CYRIA: variants seen among roughly 807,000 people sequenced by gnomAD.
CYRIA encodes the protein CYFIP-related Rac1 interactor A.
Under a neutral mutation model 43.9 loss-of-function variants are expected in CYRIA, and 15 were observed. The ratio of observed to expected loss-of-function variants is 0.34; its 90% confidence interval spans 0.23 to 0.53. The LOEUF (loss-of-function observed/expected upper bound fraction) is 0.53, where lower values mean the gene tolerates loss of function less well. Ranked by LOEUF, CYRIA falls within the 20% of genes least tolerant of loss-of-function variation. CYRIA has a pLI of 0.94. For synonymous variants in CYRIA, 117 were observed against 136.0 expected (o/e 0.86, Z 0.97); for missense variants, 236 against 394.2 (o/e 0.60, Z 3.40).
chr2:16,561,792 T>C (rs754845625), intron 6 of CYRIA, among the ~76,000 whole-genome samples: 6 of 152,206 alleles, frequency 3.9e-5, no homozygotes, highest in Admixed American at 6.5e-5. Flanking sequence ...TGATTTCATT[T>C]GGCAGATTTA....
At chr2:16,644,809 A>T (rs1320538527) in intron 1 of CYRIA, among the ~76,000 whole-genome samples, 1 of 152,154 alleles carries the variant, frequency 6.6e-6, no homozygotes, top group East Asian at 1.9e-4. Context: ...ATTATTGCTA[A>T]GGGAAATAAG....
chr2:16,565,804 G>T, intron 3 of CYRIA, 37 bp from the exon 4 acceptor site: 1 of 1,505,182 alleles, frequency 6.6e-7, no homozygotes. Flanking sequence ...GAGTGCTGGT[G>T]TTTACAAATA....
At chr2:16,553,757 T>A (rs1323571866) in intron 11 of CYRIA, among the ~76,000 whole-genome samples, 1 of 152,104 alleles carries the variant, frequency 6.6e-6, no homozygotes, top group African/African-American at 2.4e-5. Context: ...TCCTCTGACA[T>A]CATCACAGTG....
At chr2:16,574,334 G>A (rs377645553) in intron 3 of CYRIA, among the ~76,000 whole-genome samples, 2 of 152,210 alleles carry the variant, frequency 1.3e-5, no homozygotes, top group African/African-American at 4.8e-5. Context: ...ATGGAAAACA[G>A]AGCATAAAAG....
intron 1 of CYRIA, among the ~76,000 whole-genome samples, chr2:16,662,406 G>C (rs1670281227): frequency 6.6e-6 from 1 of 152,234 alleles, no homozygotes; most frequent in Non-Finnish European, 1.5e-5. Flanking sequence ...TATAATTACT[G>C]CAATTTCTCA....
chr2:16,582,477 CA>C (rs1241782929), intron 3 of CYRIA, among the ~76,000 whole-genome samples: 3 of 152,086 alleles, frequency 2.0e-5, no homozygotes, highest in Admixed American at 6.6e-5. Context: ...ATTAACACCC[CA>C]AAAAGACGTT....
At chr2:16,663,796 G>A (rs1670323352) in intron 1 of CYRIA, among the ~76,000 whole-genome samples, 1 of 152,082 alleles carries the variant, frequency 6.6e-6, no homozygotes, top group African/African-American at 2.4e-5. Context: ...AGTCCAGCAG[G>A]GACAGGAAAA....
intron 1 of CYRIA, among the ~76,000 whole-genome samples, chr2:16,648,706 G>A (rs941252544): frequency 2.0e-5 from 3 of 152,160 alleles, no homozygotes; most frequent in Non-Finnish European, 2.9e-5. Flanking sequence ...GAGCAGCTGT[G>A]ATCTCATGAA....
intron 2 of CYRIA, among the ~76,000 whole-genome samples, chr2:16,613,793 G>C (rs1431142435): frequency 1.3e-5 from 2 of 152,210 alleles, no homozygotes; most frequent in Non-Finnish European, 2.9e-5. Flanking sequence ...TTTGTAAAAA[G>C]TGTTTAAACT....
At chr2:16,628,768 T>G (rs1669237782) in intron 1 of CYRIA, among the ~76,000 whole-genome samples, 1 of 152,200 alleles carries the variant, frequency 6.6e-6, no homozygotes, top group Non-Finnish European at 1.5e-5. Flanking sequence ...TAGAGGACCC[T>G]TCTGGGCAAT....
intron 2 of CYRIA, among the ~76,000 whole-genome samples, chr2:16,602,137 C>A (rs1178445940): frequency 6.6e-6 from 1 of 152,186 alleles, no homozygotes; most frequent in East Asian, 1.9e-4. Context: ...AGCAGCCCTA[C>A]CAGGGTTTAT....
chr2:16,645,281 A>T (rs547042387), intron 1 of CYRIA, among the ~76,000 whole-genome samples: 68 of 152,334 alleles, frequency 4.5e-4, no homozygotes, highest in Non-Finnish European at 9.3e-4. Flanking sequence ...TAAGATAAGC[A>T]GGCAACGATC....
At chr2:16,625,292 C>G (rs1669126888) in intron 1 of CYRIA, among the ~76,000 whole-genome samples, 1 of 151,492 alleles carries the variant, frequency 6.6e-6, no homozygotes, top group Non-Finnish European at 1.5e-5. Flanking sequence ...AGCAAGAGGG[C>G]ACCTCAGGAA....
intron 3 of CYRIA, among the ~76,000 whole-genome samples, chr2:16,579,079 T>A (rs1667454742): frequency 6.6e-6 from 1 of 152,072 alleles, no homozygotes; most frequent in African/African-American, 2.4e-5. Flanking sequence ...TCAGAAACAA[T>A]GAAAGCCAGA....
At chr2:16,575,075 G>A (rs1200965507) in intron 3 of CYRIA, among the ~76,000 whole-genome samples, 1 of 152,178 alleles carries the variant, frequency 6.6e-6, no homozygotes, top group East Asian at 1.9e-4. Flanking sequence ...CCAAGGCCTT[G>A]GGAGCCCACC....
At position 16,549,982 on chromosome 2, in the gene CYRIA, C is replaced by A. The variant is rs1666236036; in HGVS notation, c.*2954G>T. 7.5e-6 allele frequency: 1 copy of A among 133,066 alleles called. No individual in the cohort carries two copies. Among genetic ancestry groups the A allele is most frequent in the Non-Finnish European group, 1.6e-5 (1 of 63,932 alleles). 8.2% of individuals were successfully genotyped at this position (133,066 alleles called of 1,614,324 possible). A position where few individuals can be genotyped will look rare whatever the true frequency, so the allele number is the denominator to read the frequency against. ...CCCCTAATGTGAAGACATCCATTTC[C>A]AGTTGTTTTTTTTTTTTGTTATTGT... On this transcript the variant is annotated 3_prime_UTR_variant, in exon 12 of 12. Transcript: ENST00000381323.
intron 1 of CYRIA, among the ~76,000 whole-genome samples, chr2:16,634,443 G>C (rs916565805): frequency 2.0e-5 from 3 of 152,200 alleles, no homozygotes; most frequent in African/African-American, 7.2e-5. Context: ...AGACCATTCT[G>C]TCCAGGACCC....
At chr2:16,622,805 C>T (rs948378246) in intron 2 of CYRIA, 1 of 152,156 alleles carries the variant, frequency 6.6e-6, no homozygotes, top group Non-Finnish European at 1.5e-5. Flanking sequence ...GAGAAAGAAA[C>T]CACAAGAGGA....
intron 2 of CYRIA, among the ~76,000 whole-genome samples, chr2:16,591,294 T>A (rs906145256): frequency 6.6e-6 from 1 of 152,166 alleles, no homozygotes; most frequent in Non-Finnish European, 1.5e-5. Context: ...AGATGAATTA[T>A]AAGCCATCCC....
Sources: gnomAD v4.1 joint callset for allele counts (sites outside exome capture counted in the v4.1 genomes callset) on GRCh38, gnomAD v4.1.1 for gene constraint, MANE v1.5 for transcripts, NCBI Gene and HGNC (gene_info 2026-07-23, HGNC 2026-07-21) for gene names.